The following GOLM2 variants were observed in gnomAD, a reference collection of about 807,000 sequenced individuals.
GOLM2 encodes protein GOLM2.
GOLM2 carries 26 observed loss-of-function variants against 55.9 expected under a neutral mutation model. That is an observed-to-expected ratio of 0.47 (90% CI 0.34 to 0.65). The LOEUF (loss-of-function observed/expected upper bound fraction) is 0.65. Among genes scored for constraint, GOLM2 ranks in the 30% least tolerant of loss-of-function variants. The probability of loss-of-function intolerance (pLI) is 0.01; values close to 1 mark genes in which losing one functional copy is unlikely to be tolerated. For missense variants in GOLM2, 486 were observed against 531.8 expected (o/e 0.91, Z 0.85); for synonymous variants, 165 against 194.6 (o/e 0.85, Z 1.27).
At position 44,413,390 on chromosome 15, in the gene GOLM2, T is replaced by C. The variant is rs2079651498; in HGVS notation, c.1295T>C (p.Phe432Ser). ...MDPADYGKQH[F>S]NDVL Reference sequence around the variant, plus strand: ...CCTGCAGACTATGGAAAGCAACATTTCAATGATGTCCTTTAAGTCCTAAAG... The same window carrying C: ...CCTGCAGACTATGGAAAGCAACATTCCAATGATGTCCTTTAAGTCCTAAAG... The change falls in exon 10 of 10, where the codon TTC becomes TCC. Residue 432 changes from phenylalanine to serine, a missense_variant. Physicochemically the swap from Phe to Ser is radical, Grantham distance 155 (BLOSUM62 -2). Transcript: ENST00000299957. 1.2e-6 allele frequency: 2 copies of C among 1,610,066 alleles called. No homozygotes were observed. Among genetic ancestry groups the C allele is most frequent in the Admixed American group, 1.7e-5 (1 of 59,894 alleles).
chr15:44,294,948 A>G (rs970135731), intron 1 of GOLM2, among the ~76,000 whole-genome samples: 2 of 151,884 alleles, frequency 1.3e-5, no homozygotes, highest in African/African-American at 2.4e-5. Flanking sequence ...CGTTGCTACT[A>G]TAAGGTTATC....
rs2079072337 is a variant in GOLM2, at chr15:44,338,568, C to G, written c.802+251C>G. On this transcript the variant is annotated intron_variant, in intron 6 of 9. Coordinates refer to ENST00000299957, the MANE Select transcript of GOLM2 (RefSeq NM_138423.4). The stretch of plus-strand genomic sequence containing the variant: ...CTATATTTGAATCTTTTCTTTGCGA[C>G]TCTGAGTTTTTGCTTATGACAGTTG... 2.6e-5 allele frequency among the ~76,000 whole-genome samples: 4 copies of G among 152,094 alleles called. No individual in the cohort carries two copies. In the South Asian group the frequency reaches 8.3e-4, roughly 32 times the overall value.
chr15:44,356,775 C>G (rs1248535015), intron 6 of GOLM2, among the ~76,000 whole-genome samples: 1 of 152,202 alleles, frequency 6.6e-6, no homozygotes, highest in East Asian at 1.9e-4. Context: ...ACCAATGTCT[C>G]TCATGATCTT....
chr15:44,350,704 A>C (rs2079155726), intron 6 of GOLM2, among the ~76,000 whole-genome samples: 1 of 152,234 alleles, frequency 6.6e-6, no homozygotes, highest in Non-Finnish European at 1.5e-5. Context: ...TCTCTGATGG[A>C]CATTGGTGCA....
chr15:44,355,420 G>T, intron 6 of GOLM2: 1 of 171,928 alleles, frequency 5.8e-6, no homozygotes, highest in South Asian at 1.2e-4. Flanking sequence ...TTGTGGACCT[G>T]ACCTGCTGTC....
rs867537597 is a variant in GOLM2, at chr15:44,364,057, C to T, written c.803-15633C>T. ...GGGGACTGTTGTGGGGTGGGGGGAG[C>T]GGGGAGGGATAGCATTGGGAGATAT... On this transcript the variant is annotated intron_variant, in intron 6 of 9. Coordinates refer to ENST00000299957, the MANE Select transcript of GOLM2 (RefSeq NM_138423.4). Among the ~76,000 whole-genome samples the T allele has an allele frequency of 1.2e-4, 17 of 146,572 alleles. No individual in the cohort carries two copies. In the East Asian group the frequency reaches 1.9e-3, roughly 16 times the overall value.
At chr15:44,322,238 C>T (rs185317837) in intron 1 of GOLM2, among the ~76,000 whole-genome samples, 4 of 152,160 alleles carry the variant, frequency 2.6e-5, no homozygotes, top group Admixed American at 2.6e-4. Context: ...TGTGGTGGTG[C>T]GCACCTGCAG....
intron 6 of GOLM2, among the ~76,000 whole-genome samples, chr15:44,373,298 A>C (rs890794655): frequency 8.6e-5 from 13 of 151,712 alleles, no homozygotes; most frequent in African/African-American, 3.1e-4. Flanking sequence ...TCTACTAAAA[A>C]TACAAAAAAT....
chr15:44,367,865 T>C (rs1057421561), intron 6 of GOLM2, among the ~76,000 whole-genome samples: 1 of 152,104 alleles, frequency 6.6e-6, no homozygotes. Flanking sequence ...CTTTCTTTTG[T>C]TGTTCTCTTT....
At chr15:44,391,386 G>A (rs1255561697) in intron 8 of GOLM2, among the ~76,000 whole-genome samples, 2 of 151,736 alleles carry the variant, frequency 1.3e-5, no homozygotes, top group Non-Finnish European at 2.9e-5. Context: ...TCGTGGTGGC[G>A]GGCGCCTGTA....
At position 44,288,858 on chromosome 15, in the gene GOLM2, ACCTGCGGCTTGCGGCC is replaced by A; in HGVS notation, c.-169_-154del. 1 of 610,942 alleles carries A rather than the reference ACCTGCGGCTTGCGGCC, an allele frequency of 1.6e-6. No homozygotes were observed. Among genetic ancestry groups the A allele is most frequent in the African/African-American group, 1.9e-5 (1 of 52,758 alleles). 37.8% of individuals were successfully genotyped at this position (610,942 alleles called of 1,614,324 possible). On this transcript the variant is annotated 5_prime_UTR_variant, in exon 1 of 10. Transcript: ENST00000299957. ...GATTTGAGGAGGGGGGCGGGGAGGG[ACCTGCGGCTTGCGGCC>A]CCGCCCCCTTCTCCGGCTCGCAGCC...
rs181351288 is a variant in GOLM2 at position 44,413,984 on chromosome 15, T to G, written c.*578T>G. On this transcript the variant is annotated 3_prime_UTR_variant, in exon 10 of 10. Coordinates refer to ENST00000299957, the MANE Select transcript of GOLM2 (RefSeq NM_138423.4). ...CACCACCATGCCCAGCTAATTTTTG[T>G]ATTTTTAATAGAGAGCTAATAATTG... is the stretch of plus-strand genomic sequence containing the variant. 6.6e-6 allele frequency: 1 copy of G among 152,280 alleles called. No individual in the cohort carries two copies. The highest frequency in any genetic ancestry group is 1.5e-5 in the Non-Finnish European group (1 of 68,038). The allele number at this position is 152,280 out of a possible 1,614,324, so 9.4% of individuals were successfully genotyped here. A position where few individuals can be genotyped will look rare whatever the true frequency, so the allele number is the denominator to read the frequency against.
chr15:44,293,038 G>A (rs2078732243), intron 1 of GOLM2, among the ~76,000 whole-genome samples: 2 of 152,276 alleles, frequency 1.3e-5, no homozygotes, highest in South Asian at 4.1e-4. Flanking sequence ...CTGGTCTCCA[G>A]TTCCTGGCCT....
intron 6 of GOLM2, among the ~76,000 whole-genome samples, chr15:44,353,684 C>A (rs1037002637): frequency 1.3e-5 from 2 of 152,118 alleles, no homozygotes; most frequent in Non-Finnish European, 2.9e-5. Flanking sequence ...CACAGAAAGA[C>A]AAACTTCACG....
At chr15:44,351,288 G>C (rs1249633198) in intron 6 of GOLM2, among the ~76,000 whole-genome samples, 3 of 152,022 alleles carry the variant, frequency 2.0e-5, no homozygotes, top group African/African-American at 7.2e-5. Flanking sequence ...ACGAAAGAAA[G>C]AAAGGTGGCC....
At chr15:44,346,673 G>A (rs2079126626) in intron 6 of GOLM2, among the ~76,000 whole-genome samples, 1 of 152,190 alleles carries the variant, frequency 6.6e-6, no homozygotes, top group African/African-American at 2.4e-5. Context: ...AGTTCTGTTG[G>A]ACAGTACTGC....
intron 2 of GOLM2, among the ~76,000 whole-genome samples, chr15:44,325,919 A>G (rs1041530185): frequency 6.6e-6 from 1 of 152,140 alleles, no homozygotes; most frequent in Non-Finnish European, 1.5e-5. Flanking sequence ...CTTTTATTTG[A>G]GATGGGGGGT....
At chr15:44,294,844 A>C (rs994486184) in intron 1 of GOLM2, among the ~76,000 whole-genome samples, 1 of 151,762 alleles carries the variant, frequency 6.6e-6, no homozygotes, top group Non-Finnish European at 1.5e-5. Context: ...CAGTGAGCCA[A>C]GATTGTGCCA....
At chr15:44,341,047 G>T (rs1036765310) in intron 6 of GOLM2, among the ~76,000 whole-genome samples, 1 of 147,550 alleles carries the variant, frequency 6.8e-6, no homozygotes, top group Non-Finnish European at 1.5e-5. Context: ...TATAATTTTT[G>T]ACCTCTATTA....
Sources: allele counts gnomAD v4.1 joint callset (sites outside exome capture counted in the v4.1 genomes callset), GRCh38; gene constraint gnomAD v4.1.1; transcripts MANE v1.5; gene names NCBI Gene and HGNC (gene_info 2026-07-23, HGNC 2026-07-21).